Variants in TRIM2 observed in about 807,000 individuals in gnomAD.
TRIM2 encodes tripartite motif-containing protein 2.
In TRIM2, 20 loss-of-function variants were observed where a neutral mutation model predicts 75.2. That is an observed-to-expected ratio of 0.27 (90% CI 0.19 to 0.39). TRIM2 has a LOEUF of 0.39. Among genes scored for constraint, TRIM2 ranks in the 10% least tolerant of loss-of-function variants. The pLI is 1.00. For missense variants in TRIM2, 660 were observed against 990.8 expected (o/e 0.67, Z 4.48); for synonymous variants, 373 against 388.3 (o/e 0.96, Z 0.46).
intron 11 of TRIM2, 30 bp from the exon 12 acceptor site, chr4:153,334,784 A>G (rs761076122): frequency 5.7e-6 from 9 of 1,582,474 alleles, no homozygotes; most frequent in South Asian, 4.5e-5. Flanking sequence ...AACTTCTCCT[A>G]TAACATTCTG....
intron 1 of TRIM2, among the ~76,000 whole-genome samples, chr4:153,256,807 A>T (rs1282080668): frequency 6.6e-6 from 1 of 152,232 alleles, no homozygotes; most frequent in Non-Finnish European, 1.5e-5. Flanking sequence ...AAGCAAAGAA[A>T]TGTCATTGCA....
chr4:153,254,907 G>A (rs73854618), intron 1 of TRIM2, among the ~76,000 whole-genome samples: 1,851 of 152,212 alleles, frequency 0.012, 35 homozygotes, highest in African/African-American at 0.042. Context: ...GATATCACCT[G>A]CATTTGTTCC....
At chr4:153,289,630 C>T (rs1761425494) in intron 3 of TRIM2, among the ~76,000 whole-genome samples, 1 of 152,096 alleles carries the variant, frequency 6.6e-6, no homozygotes, top group Non-Finnish European at 1.5e-5. Flanking sequence ...TCTTATACTG[C>T]TGGGGAACTT....
At chr4:153,264,841 T>G (rs1490408080) in intron 1 of TRIM2, among the ~76,000 whole-genome samples, 2 of 152,204 alleles carry the variant, frequency 1.3e-5, no homozygotes, top group Non-Finnish European at 2.9e-5. Context: ...CTTTGGGGAT[T>G]GGAAACCTTT....
Position 153,295,167 on chromosome 4 carries a change from TG to T in TRIM2, c.787-143del. On this transcript the variant is annotated intron_variant, in intron 5 of 11. Coordinates refer to ENST00000338700, the MANE Select transcript of TRIM2 (RefSeq NM_015271.5). This position sits in a 1 kb window ranked among gnomAD's most constrained non-coding sequence, Gnocchi z 7.2. ...GCAGTTTAGGACTTTGCGTTAGCAC[TG>T]GGTTCCCTGGGTTGACAAACACCGC... 8.7e-7 allele frequency: 1 copy of T among 1,144,714 alleles called. No individual in the cohort carries two copies. 70.9% of individuals were successfully genotyped at this position (1,144,714 alleles called of 1,614,324 possible).
intron 6 of TRIM2, among the ~76,000 whole-genome samples, chr4:153,311,994 A>C (rs1329297403): frequency 1.3e-5 from 2 of 151,412 alleles, no homozygotes; most frequent in Non-Finnish European, 2.9e-5. Flanking sequence ...ATACATGTGC[A>C]TGCTGGTGCG....
At chr4:153,294,168 A>C (rs527563626) in intron 4 of TRIM2, 137 bp from the exon 5 acceptor site, 20 of 862,824 alleles carry the variant, frequency 2.3e-5, no homozygotes, top group Non-Finnish European at 3.2e-5. Flanking sequence ...GTCATATCTT[A>C]TTCTGTTCTC....
At chr4:153,235,740 T>C (rs979326258) in intron 1 of TRIM2, among the ~76,000 whole-genome samples, 2 of 152,220 alleles carry the variant, frequency 1.3e-5, no homozygotes, top group African/African-American at 2.4e-5. Context: ...GTCAGGTTGT[T>C]GAAGAGCTTT....
At chr4:153,249,700 C>T (rs1750355241) in intron 1 of TRIM2, among the ~76,000 whole-genome samples, 1 of 152,196 alleles carries the variant, frequency 6.6e-6, no homozygotes, top group African/African-American at 2.4e-5. Flanking sequence ...CTCTTAAATC[C>T]CAGCCCTGTA....
intron 1 of TRIM2, among the ~76,000 whole-genome samples, chr4:153,179,991 A>G (rs1731884232): frequency 6.6e-6 from 1 of 152,238 alleles, no homozygotes; most frequent in Admixed American, 6.5e-5. Flanking sequence ...CGTCTAAACC[A>G]TGTCAAGTTA....
intron 1 of TRIM2, among the ~76,000 whole-genome samples, chr4:153,264,848 C>A (rs1196417793): frequency 6.6e-6 from 1 of 152,098 alleles, no homozygotes; most frequent in Non-Finnish European, 1.5e-5. Context: ...GATTGGAAAC[C>A]TTTTGTGTCG....
intron 8 of TRIM2, among the ~76,000 whole-genome samples, chr4:153,319,993 T>C (rs1768580814): frequency 6.6e-6 from 1 of 152,206 alleles, no homozygotes; most frequent in African/African-American, 2.4e-5. Flanking sequence ...ATCCATTTGA[T>C]ATTATTTGGT....
At chr4:153,184,714 ACT>A (rs1732417622) in intron 1 of TRIM2, among the ~76,000 whole-genome samples, 1 of 152,098 alleles carries the variant, frequency 6.6e-6, no homozygotes, top group Non-Finnish European at 1.5e-5. Context: ...ATATTGGAAA[ACT>A]CAGTCTTCAG....
rs936030270 is a variant in TRIM2 at position 153,248,027 on chromosome 4, G to A, written c.31-22308G>A. On this transcript the variant is annotated intron_variant, in intron 1 of 11. Coordinates refer to ENST00000338700, the MANE Select transcript of TRIM2 (RefSeq NM_015271.5). The surrounding 1 kb of genome is among the most constrained non-coding windows in gnomAD (Gnocchi z 4.0). The stretch of plus-strand genomic sequence containing the variant: ...TTTTTTTTTTTTGAGATGGAGTCTC[G>A]CTCTGTCCCCCAGGCTGGAGTGCGG... Among the ~76,000 whole-genome samples the A allele has an allele frequency of 2.2e-5, 3 of 134,860 alleles. No homozygotes were observed. Among genetic ancestry groups the A allele is most frequent in the South Asian group, 4.4e-4 (2 of 4,520 alleles). The allele number at this position is 134,860 out of a possible 152,430, so 88.5% of individuals were successfully genotyped here.
At chr4:153,302,626 A>T (rs1489468889) in intron 6 of TRIM2, among the ~76,000 whole-genome samples, 2 of 152,240 alleles carry the variant, frequency 1.3e-5, no homozygotes, top group Admixed American at 6.5e-5. Context: ...TTTTGGAGAC[A>T]CATCCCATAT....
At chr4:153,191,306 A>G (rs1733164515) in intron 1 of TRIM2, among the ~76,000 whole-genome samples, 1 of 152,246 alleles carries the variant, frequency 6.6e-6, no homozygotes, top group South Asian at 2.1e-4. Context: ...CTATGGCTAA[A>G]CAGTCTGAGA....
At chr4:153,219,868 G>A (rs1260492055) in intron 1 of TRIM2, among the ~76,000 whole-genome samples, 8 of 151,762 alleles carry the variant, frequency 5.3e-5, no homozygotes, top group Admixed American at 2.0e-4. Context: ...ATCCTGTCTC[G>A]AAAAAATAAA....
At chr4:153,270,907 C>T (rs1308573812) in intron 2 of TRIM2, among the ~76,000 whole-genome samples, 1 of 152,144 alleles carries the variant, frequency 6.6e-6, no homozygotes, top group Non-Finnish European at 1.5e-5. Flanking sequence ...TCAGGTAAAA[C>T]ATCTGCATAC....
upstream of TRIM2, chr4:153,152,327 T>TCG (rs1358335900): frequency 6.6e-6 from 1 of 150,622 alleles, no homozygotes; most frequent in Non-Finnish European, 1.5e-5. Flanking sequence ...CTGGGCGGAG[T>TCG]CGGGGCACTC....
Sources: allele counts gnomAD v4.1 joint callset (sites outside exome capture counted in the v4.1 genomes callset), GRCh38; gene constraint gnomAD v4.1.1; non-coding constraint Gnocchi (gnomAD v3.1); transcripts MANE v1.5; gene names NCBI Gene and HGNC (gene_info 2026-07-23, HGNC 2026-07-21).